Variants in FARS2 observed in about 807,000 individuals in gnomAD.
FARS2 encodes phenylalanine--tRNA ligase, mitochondrial.
Under a neutral mutation model 46.4 loss-of-function variants are expected in FARS2, and 40 were observed. The observed-to-expected ratio is 0.86, with a 90% CI of 0.67 to 1.12. FARS2 has a LOEUF of 1.12. Among genes scored for constraint, FARS2 ranks in the 50% most tolerant of loss-of-function variants. FARS2 has a pLI of 0.00. For synonymous variants in FARS2, 234 were observed against 214.9 expected (o/e 1.09, Z -0.78); for missense variants, 513 against 567.9 (o/e 0.90, Z 0.98).
At chr6:5,362,508 C>T (rs938335106) in intron 1 of FARS2, among the ~76,000 whole-genome samples, 1 of 152,156 alleles carries the variant, frequency 6.6e-6, no homozygotes, top group Non-Finnish European at 1.5e-5. Flanking sequence ...GATCCCATAT[C>T]TTGGCCATTG....
chr6:5,450,658 G>C (rs551767870), intron 4 of FARS2, among the ~76,000 whole-genome samples: 1 of 152,154 alleles, frequency 6.6e-6, no homozygotes, highest in Non-Finnish European at 1.5e-5. Flanking sequence ...ACAAAAACCA[G>C]AGGGTTAGGG....
intron 6 of FARS2, among the ~76,000 whole-genome samples, chr6:5,748,800 G>A (rs1761782837): frequency 6.6e-6 from 1 of 152,228 alleles, no homozygotes; most frequent in South Asian, 2.1e-4. Flanking sequence ...GGCGAATGCT[G>A]TGGATGCTTG....
intron 1 of FARS2, among the ~76,000 whole-genome samples, chr6:5,316,086 A>C (rs917831213): frequency 1.3e-5 from 2 of 152,246 alleles, no homozygotes; most frequent in Non-Finnish European, 2.9e-5. Context: ...GTTGGCTGAC[A>C]TCTGGTTTTA....
chr6:5,253,825 A>G, the FARS2 span, among the ~76,000 whole-genome samples: 2 of 93,498 alleles, frequency 2.1e-5, no homozygotes, highest in Non-Finnish European at 4.0e-5. Flanking sequence ...TGGGTGCCTC[A>G]TGCTGAGCAA....
At chr6:5,683,795 G>A (rs879695814) in intron 6 of FARS2, among the ~76,000 whole-genome samples, 6 of 151,892 alleles carry the variant, frequency 4.0e-5, no homozygotes, top group East Asian at 1.9e-4. Context: ...GACAGGCCCC[G>A]GTATGTGATG....
At chr6:5,603,708 T>C (rs896236607) in intron 5 of FARS2, among the ~76,000 whole-genome samples, 8 of 152,180 alleles carry the variant, frequency 5.3e-5, no homozygotes, top group African/African-American at 1.9e-4. Context: ...CCCAGTTTGA[T>C]TAGGATACCA....
At chr6:5,693,818 G>A (rs532973198) in intron 6 of FARS2, among the ~76,000 whole-genome samples, 3 of 152,252 alleles carry the variant, frequency 2.0e-5, no homozygotes, top group Non-Finnish European at 2.9e-5. Context: ...CTCTCCAAGC[G>A]GCCTGGCCTT....
chr6:5,609,145 G>T, intron 5 of FARS2: 1 of 733,208 alleles, frequency 1.4e-6, no homozygotes, highest in Non-Finnish European at 2.4e-6. Context: ...ACTGTGCTTG[G>T]CTGAGTTCAC....
At chr6:5,568,796 A>T (rs368975537) in intron 5 of FARS2, among the ~76,000 whole-genome samples, 1 of 152,188 alleles carries the variant, frequency 6.6e-6, no homozygotes, top group East Asian at 1.9e-4. Context: ...TGCGGATAAG[A>T]TGAGGATAGA....
At chr6:5,586,217 C>G (rs1319376453) in intron 5 of FARS2, among the ~76,000 whole-genome samples, 1 of 152,118 alleles carries the variant, frequency 6.6e-6, no homozygotes, top group Non-Finnish European at 1.5e-5. Flanking sequence ...CTTTTTCCTG[C>G]TTAATTGCTC....
intron 5 of FARS2, among the ~76,000 whole-genome samples, chr6:5,560,672 C>G (rs527365409): frequency 3.3e-5 from 5 of 152,246 alleles, no homozygotes; most frequent in Non-Finnish European, 5.9e-5. Context: ...ATCCAATTTA[C>G]TAGTGAAGTC....
chr6:5,576,621 T>G (rs1014799220), intron 5 of FARS2, among the ~76,000 whole-genome samples: 10 of 74,782 alleles, frequency 1.3e-4, no homozygotes, highest in Non-Finnish European at 2.1e-4. Flanking sequence ...ATAAAGTATA[T>G]ATCATATATT....
intron 6 of FARS2, among the ~76,000 whole-genome samples, chr6:5,668,637 C>T (rs908963519): frequency 1.3e-5 from 2 of 150,368 alleles, no homozygotes; most frequent in East Asian, 3.9e-4. Context: ...CAGGTTTTAC[C>T]TCTTCATTGC....
At chr6:5,392,532 A>G (rs200746924) in intron 2 of FARS2, among the ~76,000 whole-genome samples, 3 of 152,134 alleles carry the variant, frequency 2.0e-5, no homozygotes, top group East Asian at 3.9e-4. Flanking sequence ...GGAGAGTTAT[A>G]TATTTTTCTA....
At chr6:5,656,728 T>C (rs1777625602) in intron 6 of FARS2, among the ~76,000 whole-genome samples, 1 of 152,148 alleles carries the variant, frequency 6.6e-6, no homozygotes, top group Non-Finnish European at 1.5e-5. Flanking sequence ...TTTTCGTTTT[T>C]AGTAGAGACA....
At chr6:5,317,705 A>G (rs980476460) in intron 1 of FARS2, among the ~76,000 whole-genome samples, 2 of 151,990 alleles carry the variant, frequency 1.3e-5, no homozygotes, top group Admixed American at 1.3e-4. Context: ...TCTTGAGCCC[A>G]GGAGGTTGAG....
intron 1 of FARS2, among the ~76,000 whole-genome samples, chr6:5,325,142 G>A (rs148122438): frequency 8.8e-4 from 134 of 152,288 alleles, no homozygotes; most frequent in African/African-American, 3.0e-3. Context: ...ACAGATGCAC[G>A]GCAGAGCAGC....
intron 1 of FARS2, among the ~76,000 whole-genome samples, chr6:5,355,071 C>T (rs1043690618): frequency 5.3e-5 from 8 of 151,926 alleles, no homozygotes; most frequent in South Asian, 2.1e-4. Context: ...GTGTGTAAAA[C>T]GTAGTCCTTA....
chr6:5,592,672 C>G (rs981818061), intron 5 of FARS2, among the ~76,000 whole-genome samples: 1 of 152,138 alleles, frequency 6.6e-6, no homozygotes, highest in Non-Finnish European at 1.5e-5. Flanking sequence ...TGGAGAGATC[C>G]CGTATTTCAA....
Sources: allele counts gnomAD v4.1 joint callset (sites outside exome capture counted in the v4.1 genomes callset), GRCh38; gene constraint gnomAD v4.1.1; transcripts MANE v1.5; gene names NCBI Gene and HGNC (gene_info 2026-07-23, HGNC 2026-07-21).